The following PARG variants were observed in gnomAD, a reference collection of about 807,000 sequenced individuals.
PARG encodes mitochondrial poly(ADP-ribose) glycohydrolase.
A neutral mutation model predicts 113.0 loss-of-function variants in PARG; 35 were observed. That is an observed-to-expected ratio of 0.31 (90% CI 0.24 to 0.41). The LOEUF (loss-of-function observed/expected upper bound fraction) is 0.41, where lower values mean the gene tolerates loss of function less well. PARG is among the 10% of genes least tolerant of loss of function. The pLI is 1.00. For synonymous variants in PARG, 330 were observed against 409.9 expected, an observed-to-expected ratio of 0.81 and a Z score of 2.36; for missense variants, 797 against 1,169.4, an observed-to-expected ratio of 0.68 and a Z score of 4.64.
chr10:49,850,551 G>A (rs1211343647), intron 13 of PARG, among the ~76,000 whole-genome samples: 21 of 152,154 alleles, frequency 1.4e-4, no homozygotes, highest in Non-Finnish European at 2.9e-4. Context: ...TGCCTGATAG[G>A]AACCAAGACA....
At chr10:49,912,460 C>T (rs1470525663) in intron 7 of PARG, among the ~76,000 whole-genome samples, 4 of 149,564 alleles carry the variant, frequency 2.7e-5, no homozygotes, top group Non-Finnish European at 5.9e-5. Flanking sequence ...GTCAAGAGAT[C>T]GAGACCATCA....
Position 49,837,284 on chromosome 10 carries a change from G to A in PARG, c.2542-4376C>T, listed in dbSNP as rs145050870. Among the ~76,000 whole-genome samples, 239 of 152,074 alleles carry A rather than the reference G, an allele frequency of 1.6e-3. 6 individuals carry two copies. The East Asian group carries it at 0.044, about 28-fold the overall frequency. ...CTTAAAAGTAGCAAACAGGTCCCCA[G>A]AGGTCAGAGATCCATACTGAATTCT... is the stretch of plus-strand genomic sequence containing the variant. On this transcript the variant is annotated intron_variant, in intron 15 of 17. Coordinates refer to ENST00000616448, the MANE Select transcript of PARG (RefSeq NM_003631.5).
chr10:49,820,322 A>G, intron 16 of PARG, 29 bp from the exon 17 acceptor site: 2 of 1,521,096 alleles, frequency 1.3e-6, no homozygotes, highest in Non-Finnish European at 1.8e-6. Context: ...ACACGGCTAT[A>G]TCATGACATT....
At chr10:49,893,573 G>A (rs1405944930) in intron 7 of PARG, among the ~76,000 whole-genome samples, 32 of 152,202 alleles carry the variant, frequency 2.1e-4, no homozygotes, top group African/African-American at 7.0e-4. Flanking sequence ...CTGGAGTGTC[G>A]TGATGCAATC....
rs565963170 is a variant in PARG, at chr10:49,885,475, T to C, written c.1738-180A>G. On this transcript the variant is annotated intron_variant, in intron 7 of 17. Transcript: ENST00000616448. ...CATCAACAGGTGTATACAAATAAAC[T>C]TCCAAATTCATTTCCAAATGTATAT... is the stretch of plus-strand genomic sequence containing the variant. Among the ~76,000 whole-genome samples, 8 of 152,248 alleles carry C rather than the reference T, an allele frequency of 5.3e-5. No individual in the cohort carries two copies. The East Asian group carries it at 5.8e-4, about 11-fold the overall frequency.
chr10:49,915,805 T>A, intron 7 of PARG, 112 bp downstream of exon 7: 1 of 640,524 alleles, frequency 1.6e-6, no homozygotes, highest in Non-Finnish European at 2.8e-6. Context: ...AACAGCAAAT[T>A]TATAAAACTA....
At chr10:49,832,097 T>C (rs186938784) in intron 16 of PARG, among the ~76,000 whole-genome samples, 189 of 152,396 alleles carry the variant, frequency 1.2e-3, no homozygotes, top group African/African-American at 4.4e-3. Context: ...TATTATTTTC[T>C]ATAACTGATA....
chr10:49,829,963 A>G (rs1032616634), intron 16 of PARG, among the ~76,000 whole-genome samples: 16 of 152,098 alleles, frequency 1.1e-4, no homozygotes, highest in Admixed American at 9.2e-4. Context: ...TTCCCCATTG[A>G]AGGACTTTAT....
At chr10:49,843,736 G>T (rs1445081740) in intron 13 of PARG, 104 bp from the exon 14 acceptor site, 4 of 744,796 alleles carry the variant, frequency 5.4e-6, no homozygotes, top group Non-Finnish European at 7.0e-6. Flanking sequence ...TGTACTGAAG[G>T]TCTCTCCAGC....
chr10:49,923,398 T>C (rs1319864850), intron 4 of PARG, among the ~76,000 whole-genome samples: 1 of 152,118 alleles, frequency 6.6e-6, no homozygotes, highest in Non-Finnish European at 1.5e-5. Flanking sequence ...CATATTAACT[T>C]TGTATTCTGA....
At chr10:49,881,699 C>T (rs1284326680) in intron 8 of PARG, among the ~76,000 whole-genome samples, 2 of 152,164 alleles carry the variant, frequency 1.3e-5, no homozygotes, top group African/African-American at 4.8e-5. Flanking sequence ...CACACCACTG[C>T]TAGAATAAGA....
At chr10:49,906,183 ATG>A (rs1313563984) in intron 7 of PARG, among the ~76,000 whole-genome samples, 1 of 135,872 alleles carries the variant, frequency 7.4e-6, no homozygotes, top group African/African-American at 2.7e-5. Flanking sequence ...GGGTTTCACC[ATG>A]TTGGTCAGGC....
chr10:49,921,835 T>C (rs1428651113), intron 6 of PARG, among the ~76,000 whole-genome samples: 3 of 151,894 alleles, frequency 2.0e-5, no homozygotes, highest in Admixed American at 1.3e-4. Flanking sequence ...AAATGAAATA[T>C]AAATATATCA....
In PARG at chr10:49,915,972, T is replaced by G. The variant is rs2664653; in HGVS notation, c.1682A>C (p.Asn561Thr). ...GTCCCATTTCTTAGAATATGCCACA[T>G]TGTATTTCAGAATAGCATCCTGTGG... ...QNLKDAILKY[N>T]VAYSKKWDFT... The change falls in exon 7 of 18, where the codon AAT (asparagine) becomes ACT (threonine). Residue 561 changes from asparagine to threonine, a missense_variant. Physicochemically the swap from Asn to Thr is moderately conservative, Grantham distance 65. Coordinates refer to ENST00000616448, the MANE Select transcript of PARG (RefSeq NM_003631.5). The G allele has an allele frequency of 1.2e-5, 19 of 1,542,280 alleles. No homozygotes were observed. The South Asian group carries it at 1.7e-4, about 14-fold the overall frequency.
chr10:49,940,841 G>C (rs1300314406), intron 1 of PARG, among the ~76,000 whole-genome samples: 5 of 152,122 alleles, frequency 3.3e-5, no homozygotes, highest in African/African-American at 1.2e-4. Flanking sequence ...TTGCACTCCT[G>C]AAACACTTCT....
At chr10:49,939,898 TTACAC>T (rs1194961204) in intron 1 of PARG, among the ~76,000 whole-genome samples, 8 of 152,210 alleles carry the variant, frequency 5.3e-5, no homozygotes, top group Non-Finnish European at 8.8e-5. Context: ...GCCCAGCCTC[TTACAC>T]TGTTAACGAA....
Position 49,820,150 on chromosome 10 carries a change from G to T in PARG, c.2776+15C>A. The T allele has an allele frequency of 6.6e-7, 1 of 1,523,798 alleles. No homozygotes were observed. Among genetic ancestry groups the T allele is most frequent in the Non-Finnish European group, 8.9e-7 (1 of 1,122,316 alleles). 94.4% of individuals were successfully genotyped at this position (1,523,798 alleles called of 1,614,324 possible). A position where few individuals can be genotyped will look rare whatever the true frequency, so the allele number is the denominator to read the frequency against. The stretch of plus-strand genomic sequence containing the variant: ...TCCATCTAGATACCAAGTGTCAAGA[G>T]TATCTCCTACTTACCAACAGTGAGT... On this transcript the variant is annotated intron_variant, in intron 17 of 17. Coordinates refer to ENST00000616448, the MANE Select transcript of PARG (RefSeq NM_003631.5).
chr10:49,821,102 G>C (rs782737920), intron 16 of PARG, among the ~76,000 whole-genome samples: 1 of 152,062 alleles, frequency 6.6e-6, no homozygotes, highest in Non-Finnish European at 1.5e-5. Context: ...GGCCACTGCA[G>C]AACTCCCGTT....
intron 9 of PARG, among the ~76,000 whole-genome samples, chr10:49,874,555 A>G (rs1259081454): frequency 3.9e-5 from 6 of 152,078 alleles, no homozygotes; most frequent in African/African-American, 1.4e-4. Context: ...TTTTAAAATT[A>G]AAATATATAA....
Sources: allele counts gnomAD v4.1 joint callset (sites outside exome capture counted in the v4.1 genomes callset), GRCh38; gene constraint gnomAD v4.1.1; transcripts MANE v1.5; gene names NCBI Gene and HGNC (gene_info 2026-07-23, HGNC 2026-07-21).